The following VPS13B variants were observed in gnomAD, a reference collection of about 807,000 sequenced individuals.
VPS13B encodes the protein intermembrane lipid transfer protein VPS13B.
Under a neutral mutation model 426.4 loss-of-function variants are expected in VPS13B, and 285 were observed. The ratio of observed to expected loss-of-function variants is 0.67; its 90% confidence interval spans 0.61 to 0.74. VPS13B has a LOEUF of 0.74. Among genes scored for constraint, VPS13B ranks in the 30% least tolerant of loss-of-function variants. The pLI is 0.00. For synonymous variants in VPS13B, 1,676 were observed against 1,676.4 expected, an observed-to-expected ratio of 1.00 and a Z score of 0.01; for missense variants, 4,537 against 4,782.6, an observed-to-expected ratio of 0.95 and a Z score of 1.51.
At chr8:99,576,480 G>A (rs1588511119) in intron 32 of VPS13B, among the ~76,000 whole-genome samples, 1 of 151,622 alleles carries the variant, frequency 6.6e-6, no homozygotes, top group Non-Finnish European at 1.5e-5. Flanking sequence ...GAGAACTTGT[G>A]GAGGAAAAAA....
chr8:99,372,458 A>G (rs1305848003), intron 19 of VPS13B, among the ~76,000 whole-genome samples: 1 of 152,188 alleles, frequency 6.6e-6, no homozygotes, highest in East Asian at 1.9e-4. Context: ...ACTTAAACAC[A>G]TTTACAAGAG....
chr8:99,438,623 A>G (rs1183744858), intron 22 of VPS13B, among the ~76,000 whole-genome samples: 3 of 152,140 alleles, frequency 2.0e-5, no homozygotes, highest in Non-Finnish European at 4.4e-5. Flanking sequence ...TCTGGAAAGG[A>G]TGACAACCAA....
intron 5 of VPS13B, among the ~76,000 whole-genome samples, chr8:99,109,385 TTTC>T (rs1157776261): frequency 3.4e-5 from 5 of 147,540 alleles, no homozygotes; most frequent in East Asian, 1.9e-4. Context: ...TTTTTCTTTC[TTTC>T]TTTTTTTTTT....
intron 49 of VPS13B, among the ~76,000 whole-genome samples, chr8:99,820,646 T>C (rs12542038): frequency 0.023 from 3,548 of 152,240 alleles, 343 homozygotes; most frequent in East Asian, 0.18. Context: ...AGAAACCTAA[T>C]TGCAAAACAA....
chr8:99,194,100 G>A (rs146773461), intron 17 of VPS13B, among the ~76,000 whole-genome samples: 1 of 152,290 alleles, frequency 6.6e-6, no homozygotes, highest in East Asian at 1.9e-4. Context: ...TGCCCAAAGA[G>A]TTTTGAATTT....
intron 22 of VPS13B, among the ~76,000 whole-genome samples, chr8:99,435,475 C>A (rs1817321763): frequency 6.6e-6 from 1 of 152,054 alleles, no homozygotes; most frequent in Non-Finnish European, 1.5e-5. Context: ...CAAGTAATAT[C>A]AGAAATCTTT....
intron 3 of VPS13B, among the ~76,000 whole-genome samples, chr8:99,091,481 T>C (rs1425631441): frequency 6.6e-6 from 1 of 152,114 alleles, no homozygotes; most frequent in Non-Finnish European, 1.5e-5. Context: ...TGGACTAAAG[T>C]TGATGTGTGA....
In VPS13B at chr8:99,249,281, G is replaced by A. The variant is rs76783238; in HGVS notation, c.2516-24917G>A. 5.0e-3 allele frequency among the ~76,000 whole-genome samples: 762 copies of A among 152,152 alleles called. 4 individuals carry two copies. The highest frequency in any genetic ancestry group is 6.3e-3 in the Non-Finnish European group (428 of 67,978). ...TTTGTTAAATCATTTATCTGTTGAA[G>A]GACATATTTGTTGTTTCCAGTTTTT... On this transcript the variant is annotated intron_variant, in intron 17 of 61. Coordinates refer to ENST00000357162, the MANE Select transcript of VPS13B (RefSeq NM_152564.5).
chr8:99,336,922 A>G (rs1305331970), intron 19 of VPS13B, among the ~76,000 whole-genome samples: 2 of 152,022 alleles, frequency 1.3e-5, no homozygotes, highest in Admixed American at 6.6e-5. Context: ...GTGGGACTGT[A>G]AACTAGTTCA....
At position 99,859,201 on chromosome 8, in the gene VPS13B, T is replaced by C. The variant is rs1300517197; in HGVS notation, c.10868-103T>C. The C allele has an allele frequency of 2.5e-5, 35 of 1,379,368 alleles. No individual in the cohort carries two copies. In the East Asian group the frequency reaches 4.6e-4, roughly 18 times the overall value. 85.4% of individuals were successfully genotyped at this position (1,379,368 alleles called of 1,614,324 possible). ...AAGAAACAGATTACTTTCCCAATTC[T>C]AGTGTGAAAAATGAATTGCAGGGAA... On this transcript the variant is annotated intron_variant, in intron 56 of 61. Coordinates refer to ENST00000357162, the MANE Select transcript of VPS13B (RefSeq NM_152564.5).
At chr8:99,150,576 C>G (rs573302851) in intron 14 of VPS13B, among the ~76,000 whole-genome samples, 4 of 152,324 alleles carry the variant, frequency 2.6e-5, no homozygotes, top group Admixed American at 2.0e-4. Context: ...AACCACTGAT[C>G]TTTTTACTGT....
intron 19 of VPS13B, among the ~76,000 whole-genome samples, chr8:99,335,194 G>A (rs1448236441): frequency 2.6e-5 from 4 of 151,988 alleles, no homozygotes; most frequent in Admixed American, 2.0e-4. Context: ...CTTTGGGATC[G>A]GTGGTGATAT....
intron 8 of VPS13B, among the ~76,000 whole-genome samples, chr8:99,125,406 A>G (rs1217588265): frequency 2.0e-5 from 3 of 152,206 alleles, no homozygotes; most frequent in Non-Finnish European, 4.4e-5. Flanking sequence ...AGCTGATTAG[A>G]TGGTGCCCAC....
At chr8:99,096,558 C>T (rs1846432409) in intron 4 of VPS13B, 126 bp downstream of exon 4, 1 of 1,312,164 alleles carries the variant, frequency 7.6e-7, no homozygotes. Context: ...GAGTTTGAGA[C>T]CAGCCTGGCC....
At chr8:99,571,210 C>T (rs942715178) in intron 31 of VPS13B, among the ~76,000 whole-genome samples, 27 of 152,218 alleles carry the variant, frequency 1.8e-4, no homozygotes, top group African/African-American at 5.8e-4. Context: ...TCAGTTAATA[C>T]TTTGTGTTTT....
chr8:99,444,979 T>C (rs1437700061), intron 23 of VPS13B, among the ~76,000 whole-genome samples: 1 of 152,008 alleles, frequency 6.6e-6, no homozygotes, highest in African/African-American at 2.4e-5. Context: ...ATCTTTTGCC[T>C]ACTTTTTAGT....
At chr8:99,644,913 A>T (rs1489800678) in intron 34 of VPS13B, among the ~76,000 whole-genome samples, 1 of 152,198 alleles carries the variant, frequency 6.6e-6, no homozygotes, top group Non-Finnish European at 1.5e-5. Context: ...ATCTCATTTC[A>T]TGCTAATGAC....
At chr8:99,753,499 C>G (rs774740310) in intron 39 of VPS13B, among the ~76,000 whole-genome samples, 4 of 152,088 alleles carry the variant, frequency 2.6e-5, no homozygotes, top group Non-Finnish European at 5.9e-5. Context: ...TTAAAAGACA[C>G]CATAAACTAG....
intron 3 of VPS13B, among the ~76,000 whole-genome samples, chr8:99,090,919 C>T (rs1379748332): frequency 1.3e-5 from 2 of 151,896 alleles, no homozygotes; most frequent in Non-Finnish European, 2.9e-5. Context: ...GAGTGGATCT[C>T]ACAGTTTCAA....
Sources: allele counts gnomAD v4.1 joint callset (sites outside exome capture counted in the v4.1 genomes callset), GRCh38; gene constraint gnomAD v4.1.1; transcripts MANE v1.5; gene names NCBI Gene and HGNC (gene_info 2026-07-23, HGNC 2026-07-21).